The following ARHGAP21 variants were observed in gnomAD, a reference collection of about 807,000 sequenced individuals.
The protein encoded by ARHGAP21 is rho GTPase-activating protein 21.
ARHGAP21 carries 38 observed loss-of-function variants against 164.6 expected under a neutral mutation model. That is an observed-to-expected ratio of 0.23 (90% CI 0.18 to 0.30). The LOEUF is 0.30. ARHGAP21 is among the 10% of genes least tolerant of loss of function. The probability of loss-of-function intolerance (pLI) is 1.00; values close to 1 mark genes in which losing one functional copy is unlikely to be tolerated. For missense variants in ARHGAP21, 1,822 were observed against 2,370.7 expected, an observed-to-expected ratio of 0.77 and a Z score of 4.81; for synonymous variants, 766 against 857.9, an observed-to-expected ratio of 0.89 and a Z score of 1.87.
At chr10:24,646,411 G>A (rs1837574980) in intron 4 of ARHGAP21, among the ~76,000 whole-genome samples, 1 of 152,128 alleles carries the variant, frequency 6.6e-6, no homozygotes, top group Non-Finnish European at 1.5e-5. Flanking sequence ...TAGCACTTTG[G>A]GAGGCAGAGC....
chr10:24,629,725 C>T, intron 7 of ARHGAP21: 1 of 456,642 alleles, frequency 2.2e-6, no homozygotes, highest in Non-Finnish European at 4.2e-6. Flanking sequence ...GAAGGCAACA[C>T]TAGGACAAAC....
At chr10:24,667,149 A>G in intron 3 of ARHGAP21, 140 bp from the exon 4 acceptor site, 1 of 469,462 alleles carries the variant, frequency 2.1e-6, no homozygotes, top group South Asian at 3.4e-5. Flanking sequence ...CTTAATGATC[A>G]CATTCTCTTC....
At chr10:24,671,421 C>T (rs914107277) in intron 2 of ARHGAP21, among the ~76,000 whole-genome samples, 4 of 152,190 alleles carry the variant, frequency 2.6e-5, no homozygotes, top group African/African-American at 9.6e-5. Flanking sequence ...AGCAGATGGT[C>T]CTGCTTTCTA....
At chr10:24,683,095 C>CAAAA (rs200968718) in intron 2 of ARHGAP21, among the ~76,000 whole-genome samples, 5 of 88,992 alleles carry the variant, frequency 5.6e-5, no homozygotes, top group Non-Finnish European at 9.8e-5. Flanking sequence ...AACTCCATCT[C>CAAAA]AAAAAAAAAA....
In ARHGAP21 at chr10:24,602,708, C is replaced by T. The variant is rs111345728; in HGVS notation, c.2722-605G>A. Among the ~76,000 whole-genome samples, 628 of 152,248 alleles carry T rather than the reference C, an allele frequency of 4.1e-3. 5 individuals carry two copies. The highest frequency in any genetic ancestry group is 0.024 in the Middle Eastern group (7 of 294). The stretch of plus-strand genomic sequence containing the variant: ...TGAATCGGGGGAGTAACTGATCACC[C>T]AGTTCAAAGCTCACTCTGAGTACTC... On this transcript the variant is annotated intron_variant, in intron 12 of 25. Coordinates refer to ENST00000396432, the MANE Select transcript of ARHGAP21 (RefSeq NM_020824.4).
intron 11 of ARHGAP21, among the ~76,000 whole-genome samples, chr10:24,605,450 TATA>T (rs1220623803): frequency 1.3e-5 from 2 of 152,148 alleles, no homozygotes; most frequent in Non-Finnish European, 2.9e-5. Context: ...TTTGATACCT[TATA>T]ATGAGGAAGA....
At chr10:24,656,105 C>T (rs1167650796) in intron 4 of ARHGAP21, among the ~76,000 whole-genome samples, 2 of 148,146 alleles carry the variant, frequency 1.4e-5, no homozygotes, top group Non-Finnish European at 3.0e-5. Flanking sequence ...CGGCAGCCAC[C>T]CCATCTGGGA....
At chr10:24,685,693 T>C (rs1184205037) in intron 2 of ARHGAP21, among the ~76,000 whole-genome samples, 1 of 152,026 alleles carries the variant, frequency 6.6e-6, no homozygotes, top group Non-Finnish European at 1.5e-5. Context: ...CTGGCCAACA[T>C]GGTAAAACCC....
chr10:24,643,363 A>C (rs1451245305), intron 4 of ARHGAP21, among the ~76,000 whole-genome samples: 2 of 152,218 alleles, frequency 1.3e-5, no homozygotes, highest in Non-Finnish European at 2.9e-5. Context: ...CTGCAAACTC[A>C]GAAAAATTTG....
chr10:24,685,008 C>T (rs542845996), intron 2 of ARHGAP21, among the ~76,000 whole-genome samples: 62 of 152,256 alleles, frequency 4.1e-4, no homozygotes, highest in Middle Eastern at 3.4e-3. Flanking sequence ...TTTATATACA[C>T]TTTAGTTTCC....
intron 2 of ARHGAP21, among the ~76,000 whole-genome samples, chr10:24,712,347 A>C (rs1455060870): frequency 6.6e-6 from 1 of 152,208 alleles, no homozygotes; most frequent in East Asian, 1.9e-4. Context: ...TGTTGCCACA[A>C]AATAGATATG....
At chr10:24,684,888 C>G (rs1842078969) in intron 2 of ARHGAP21, among the ~76,000 whole-genome samples, 1 of 152,228 alleles carries the variant, frequency 6.6e-6, no homozygotes, top group Non-Finnish European at 1.5e-5. Context: ...ATCCGCCCCC[C>G]TCAGCCTCCC....
At chr10:24,688,029 G>C (rs1842378297) in intron 2 of ARHGAP21, among the ~76,000 whole-genome samples, 2 of 152,010 alleles carry the variant, frequency 1.3e-5, no homozygotes, top group South Asian at 4.2e-4. Flanking sequence ...CATTTTCATT[G>C]GCAACACTTG....
intron 2 of ARHGAP21, among the ~76,000 whole-genome samples, chr10:24,713,743 G>A (rs1207572054): frequency 6.6e-6 from 1 of 151,674 alleles, no homozygotes; most frequent in South Asian, 2.1e-4. Flanking sequence ...AAAGTACTGG[G>A]ATGACAGGCA....
chr10:24,631,787 G>A (rs1323134424), intron 6 of ARHGAP21, among the ~76,000 whole-genome samples: 3 of 152,172 alleles, frequency 2.0e-5, no homozygotes, highest in Non-Finnish European at 4.4e-5. Context: ...GCTCTATCAA[G>A]GTTCACTTGA....
At chr10:24,704,872 C>T (rs1487431883) in intron 2 of ARHGAP21, among the ~76,000 whole-genome samples, 1 of 152,144 alleles carries the variant, frequency 6.6e-6, no homozygotes, top group Non-Finnish European at 1.5e-5. Context: ...GTATTACAGG[C>T]ATGAGCCATT....
At chr10:24,633,179 G>C (rs908955494) in intron 6 of ARHGAP21, among the ~76,000 whole-genome samples, 1 of 152,146 alleles carries the variant, frequency 6.6e-6, no homozygotes, top group Non-Finnish European at 1.5e-5. Context: ...GCCTCTATGG[G>C]ATTTTAATCA....
intron 4 of ARHGAP21, among the ~76,000 whole-genome samples, chr10:24,656,151 CG>C (rs1203671214): frequency 1.5e-5 from 2 of 131,218 alleles, no homozygotes; most frequent in African/African-American, 5.9e-5. Flanking sequence ...CCACCCCGTC[CG>C]GGAGGGAGGT....
chr10:24,585,855 G>A lies in ARHGAP21; in HGVS notation c.4434C>T (p.Ser1478=). 1 of 1,613,960 alleles carries A rather than the reference G, an allele frequency of 6.2e-7. No individual in the cohort carries two copies. ...KQKIIIAKEN[S]TRKDPSTTKD... ...TTGTCGTGCTGGGGTCTTTCCTAGT[G>A]CTGTTTTCTTTGGCAATGATGATCT... Residue 1478 remains serine, a synonymous_variant, in exon 26 of 26, where the codon AGC becomes AGT. Coordinates refer to ENST00000396432, the MANE Select transcript of ARHGAP21 (RefSeq NM_020824.4).
Sources: allele counts gnomAD v4.1 joint callset (sites outside exome capture counted in the v4.1 genomes callset), GRCh38; gene constraint gnomAD v4.1.1; transcripts MANE v1.5; gene names NCBI Gene and HGNC (gene_info 2026-07-23, HGNC 2026-07-21).